DIP2C: variants seen among roughly 807,000 people sequenced by gnomAD.
DIP2C encodes DIP2 acetate--CoA ligase C (putative).
In DIP2C, 33 loss-of-function variants were observed where a neutral mutation model predicts 192.4. The observed-to-expected ratio is 0.17, with a 90% confidence interval of 0.13 to 0.23. DIP2C has a LOEUF of 0.23. Ranked by LOEUF, DIP2C falls within the 10% of genes least tolerant of loss-of-function variation. The pLI, the probability that DIP2C is intolerant of heterozygous loss-of-function variation, is 1.00. For missense variants in DIP2C, 1,537 were observed against 2,110.1 expected, an observed-to-expected ratio of 0.73 and a Z score of 5.32; for synonymous variants, 979 against 864.1, an observed-to-expected ratio of 1.13 and a Z score of -2.33.
chr10:539,864 A>G (rs1847884804), intron 1 of DIP2C, among the ~76,000 whole-genome samples: 1 of 152,270 alleles, frequency 6.6e-6, no homozygotes, highest in Admixed American at 6.5e-5. Flanking sequence ...AAGCAGACCT[A>G]CAATATGCAA....
At chr10:604,316 C>T (rs543987972) in intron 1 of DIP2C, among the ~76,000 whole-genome samples, 16 of 152,278 alleles carry the variant, frequency 1.1e-4, no homozygotes, top group African/African-American at 3.6e-4. Context: ...CCCATGCAAC[C>T]TATAAATATT....
intron 1 of DIP2C, among the ~76,000 whole-genome samples, chr10:513,363 A>G (rs1846149261): frequency 6.6e-6 from 1 of 152,244 alleles, no homozygotes; most frequent in South Asian, 2.1e-4. Flanking sequence ...ATCAGTTTTT[A>G]AAATTGTTTG....
At chr10:516,146 A>G (rs1846334017) in intron 1 of DIP2C, among the ~76,000 whole-genome samples, 1 of 148,426 alleles carries the variant, frequency 6.7e-6, no homozygotes, top group South Asian at 2.2e-4. Flanking sequence ...CCATCCTGTT[A>G]TGGGATGAGG....
At position 289,416 on chromosome 10, in the gene DIP2C, G is replaced by A. The variant is rs188105295; in HGVS notation, c.3987-995C>T. Among the ~76,000 whole-genome samples, 307 of 152,282 alleles carry A rather than the reference G, an allele frequency of 2.0e-3. 1 individual carries two copies. The highest frequency in any genetic ancestry group is 6.8e-3 in the African/African-American group (283 of 41,532). Reference sequence around the variant, plus strand: ...CCTGAGTTGCTAGGGCTACAGGTGTGTACTACCACATCTGGATAACTTTTA... The same window carrying A: ...CCTGAGTTGCTAGGGCTACAGGTGTATACTACCACATCTGGATAACTTTTA... On this transcript the variant is annotated intron_variant, in intron 32 of 36. Transcript: ENST00000280886.
At chr10:606,212 G>A (rs985367363) in intron 1 of DIP2C, among the ~76,000 whole-genome samples, 5 of 152,132 alleles carry the variant, frequency 3.3e-5, no homozygotes, top group Non-Finnish European at 5.9e-5. Context: ...CCACGGCCCA[G>A]CAGCACCTGG....
chr10:647,747 C>G (rs576751725), intron 1 of DIP2C, among the ~76,000 whole-genome samples: 1 of 151,020 alleles, frequency 6.6e-6, no homozygotes, highest in Non-Finnish European at 1.5e-5. Context: ...ACTGAGTCCA[C>G]GTCCACATTG....
chr10:334,531 C>G (rs1037902164), intron 29 of DIP2C, among the ~76,000 whole-genome samples: 16 of 151,672 alleles, frequency 1.1e-4, no homozygotes, highest in Non-Finnish European at 7.4e-5. Context: ...TGAAAATTTA[C>G]TCCTGTGTTT....
chr10:390,144 T>G lies in DIP2C; in HGVS notation c.1495-51A>C, dbSNP rs1289305385. On this transcript the variant is annotated intron_variant, in intron 12 of 36. Transcript: ENST00000280886. ...AGTGGGGCTGACAGGTCACGGCAGT[T>G]TTTCTGGTTACTTGAGGTTCTCCAA... 3 of 1,595,104 alleles carry G rather than the reference T, an allele frequency of 1.9e-6. No homozygotes were observed. The Admixed American group carries it at 5.0e-5, about 27-fold the overall frequency.
At chr10:608,217 C>A (rs1466612696) in intron 1 of DIP2C, among the ~76,000 whole-genome samples, 2 of 33,744 alleles carry the variant, frequency 5.9e-5, no homozygotes, top group Non-Finnish European at 8.9e-5. Flanking sequence ...CACAGCCCCC[C>A]CACACACACC....
chr10:513,524 A>C (rs1432975561), intron 1 of DIP2C, among the ~76,000 whole-genome samples: 3 of 152,078 alleles, frequency 2.0e-5, no homozygotes, highest in Non-Finnish European at 4.4e-5. Context: ...CCACCACAGC[A>C]CACCGCAGCC....
chr10:554,148 G>A (rs1303370246), intron 1 of DIP2C, among the ~76,000 whole-genome samples: 1 of 151,754 alleles, frequency 6.6e-6, no homozygotes, highest in African/African-American at 2.4e-5. Flanking sequence ...AAAAGGTACA[G>A]CTTGTAACTA....
chr10:528,286 CAT>C (rs1414878964), intron 1 of DIP2C, among the ~76,000 whole-genome samples: 2 of 152,108 alleles, frequency 1.3e-5, no homozygotes, highest in Non-Finnish European at 2.9e-5. Flanking sequence ...ACACCCAGAA[CAT>C]AGACTGCCTG....
intron 2 of DIP2C, among the ~76,000 whole-genome samples, chr10:474,066 G>GTCATCA (rs1970861857): frequency 6.6e-6 from 1 of 152,106 alleles, no homozygotes; most frequent in African/African-American, 2.4e-5. Flanking sequence ...ACCTCTTCCA[G>GTCATCA]TCATCATCTA....
chr10:467,596 T>C (rs964266649), intron 3 of DIP2C, among the ~76,000 whole-genome samples: 1 of 143,416 alleles, frequency 7.0e-6, no homozygotes, highest in Non-Finnish European at 1.5e-5. Flanking sequence ...ATGTGGCATA[T>C]ATATACCATG....
chr10:674,163 G>A (rs1264680836), intron 1 of DIP2C, among the ~76,000 whole-genome samples: 1 of 152,096 alleles, frequency 6.6e-6, no homozygotes, highest in Non-Finnish European at 1.5e-5. Flanking sequence ...GATATAGACT[G>A]GCTGAGTGGA....
intron 1 of DIP2C, among the ~76,000 whole-genome samples, chr10:511,180 T>C (rs767761432): frequency 9.9e-5 from 15 of 152,188 alleles, no homozygotes; most frequent in Admixed American, 6.5e-5. Flanking sequence ...GCGATGCTGC[T>C]TGGCCAGCCA....
intron 9 of DIP2C, among the ~76,000 whole-genome samples, chr10:400,680 G>C (rs1239664543): frequency 1.3e-5 from 2 of 151,514 alleles, no homozygotes; most frequent in Non-Finnish European, 2.9e-5. Flanking sequence ...GGACAAGTTT[G>C]GTATGTGTTC....
intron 1 of DIP2C, among the ~76,000 whole-genome samples, chr10:532,621 GA>G (rs1847450051): frequency 7.6e-6 from 1 of 132,112 alleles, no homozygotes; most frequent in African/African-American, 3.1e-5. Flanking sequence ...GTGTGAGAGA[GA>G]GTATGGGTGT....
chr10:617,095 G>A (rs1351485635), intron 1 of DIP2C, among the ~76,000 whole-genome samples: 1 of 152,142 alleles, frequency 6.6e-6, no homozygotes, highest in Non-Finnish European at 1.5e-5. Flanking sequence ...AGGCCCAGAG[G>A]TGCCCCCACA....
Sources: allele counts gnomAD v4.1 joint callset (sites outside exome capture counted in the v4.1 genomes callset), GRCh38; gene constraint gnomAD v4.1.1; transcripts MANE v1.5; gene names NCBI Gene and HGNC (gene_info 2026-07-23, HGNC 2026-07-21).